The following SGSH variants were observed in gnomAD, a reference collection of about 807,000 sequenced individuals.
SGSH encodes N-sulfoglucosamine sulfohydrolase.
In SGSH, 48 loss-of-function variants were observed where a neutral mutation model predicts 51.0. The observed-to-expected ratio is 0.94, with a 90% CI of 0.75 to 1.20. The LOEUF (loss-of-function observed/expected upper bound fraction) is 1.20, where lower values mean the gene tolerates loss of function less well. SGSH is among the 50% of genes most tolerant of loss of function. The pLI, the probability that SGSH is intolerant of heterozygous loss-of-function variation, is 0.00. For synonymous variants in SGSH, 321 were observed against 313.4 expected (o/e 1.02, Z -0.26); for missense variants, 662 against 717.8 (o/e 0.92, Z 0.89).
chr17:80,209,911 A>G lies in SGSH; in HGVS notation c.*541T>C. 1 of 993,058 alleles carries G rather than the reference A, an allele frequency of 1.0e-6. No individual in the cohort carries two copies. The highest frequency in any genetic ancestry group is 1.2e-6 in the Non-Finnish European group (1 of 834,014). 61.5% of individuals were successfully genotyped at this position (993,058 alleles called of 1,614,324 possible). A position where few individuals can be genotyped will look rare whatever the true frequency, so the allele number is the denominator to read the frequency against. ...AGAAACCTGCCCAAAGGTCGCTCAA[A>G]GGCTTCCTCTAGGCCAGACGCTGGT... On this transcript the variant is annotated 3_prime_UTR_variant, in exon 8 of 8. Coordinates refer to ENST00000326317, the MANE Select transcript of SGSH (RefSeq NM_000199.5).
Position 80,213,562 on chromosome 17 carries a change from G to A in SGSH, c.745+242C>T, listed in dbSNP as rs750154411. On this transcript the variant is annotated intron_variant, in intron 6 of 7. Coordinates refer to ENST00000326317, the MANE Select transcript of SGSH (RefSeq NM_000199.5). This position sits in a 1 kb window ranked among gnomAD's most constrained non-coding sequence, Gnocchi z 4.6. ...GACTGGAAATATCTGAAGTCTTCAC[G>A]CAACCTCTGGGGCACCCGAAGGCCC... The A allele has an allele frequency of 1.0e-5, 6 of 577,894 alleles. No individual in the cohort carries two copies. The highest frequency in any genetic ancestry group is 6.1e-5 in the Admixed American group (2 of 32,850). 35.8% of individuals were successfully genotyped at this position (577,894 alleles called of 1,614,324 possible).
downstream of SGSH, chr17:80,205,795 C>G: frequency 1.2e-6 from 1 of 814,186 alleles, no homozygotes; most frequent in Non-Finnish European, 1.8e-6. Flanking sequence ...AACAGCCCAG[C>G]AGGAGCCCAA....
downstream of SGSH, chr17:80,208,507 G>C (rs1449730700): frequency 1.7e-6 from 1 of 599,394 alleles, no homozygotes; most frequent in Non-Finnish European, 2.8e-6. Flanking sequence ...ACCACGTGCA[G>C]GTCACACACA....
chr17:80,204,076 A>G (rs954542969), downstream of SGSH: 10 of 847,468 alleles, frequency 1.2e-5, no homozygotes, highest in African/African-American at 1.4e-4. Flanking sequence ...AGGCTCTTGC[A>G]CAAGTGCAGA....
chr17:80,216,322 C>T lies in SGSH; in HGVS notation c.249+710G>A, dbSNP rs547212278. Among the ~76,000 whole-genome samples, 370 of 151,334 alleles carry T rather than the reference C, an allele frequency of 2.4e-3. 1 individual carries two copies. The highest frequency in any genetic ancestry group is 3.2e-3 in the Non-Finnish European group (215 of 67,822). ...CCAGCCTGGGTGACAGAGTGAGACT[C>T]CAACTCAAAAAAAAAAAGGACTAGT... On this transcript the variant is annotated intron_variant, in intron 2 of 7. Coordinates refer to ENST00000326317, the MANE Select transcript of SGSH (RefSeq NM_000199.5).
intron 2 of SGSH, 70 bp from the exon 3 acceptor site, chr17:80,215,208 C>T: frequency 1.7e-6 from 2 of 1,164,054 alleles, no homozygotes; most frequent in South Asian, 1.3e-5. Context: ...CCTGTTCTCC[C>T]ACGGCCCTCC....
chr17:80,210,381 C>A lies in SGSH; in HGVS notation c.*71G>T. On this transcript the variant is annotated 3_prime_UTR_variant, in exon 8 of 8. Transcript: ENST00000326317. ...CTGTTGCCACTACTCCCCAGGCTGG[C>A]CGGCCACACGGACACGTGTGGGATG... The A allele has an allele frequency of 6.7e-7, 1 of 1,486,792 alleles. No homozygotes were observed. Among genetic ancestry groups the A allele is most frequent in the East Asian group, 2.4e-5 (1 of 40,820 alleles). The allele number at this position is 1,486,792 out of a possible 1,614,324, so 92.1% of individuals were successfully genotyped here.
chr17:80,203,867 G>A (rs1453131183), downstream of SGSH: 2 of 1,597,198 alleles, frequency 1.3e-6, no homozygotes, highest in Non-Finnish European at 1.7e-6. This position sits in a 1 kb window ranked among gnomAD's most constrained non-coding sequence, Gnocchi z 4.6. Flanking sequence ...TGACTCAGCA[G>A]TGCACCGTGA....
downstream of SGSH, chr17:80,207,207 C>T (rs754846178): frequency 2.4e-5 from 15 of 636,916 alleles, no homozygotes; most frequent in Non-Finnish European, 3.7e-5. Context: ...GCTGACAGGG[C>T]CGTTTCCGCA....
At chr17:80,208,267 C>A (rs957038309), downstream of SGSH, 12 of 1,593,686 alleles carry the variant, frequency 7.5e-6, no homozygotes, top group African/African-American at 1.3e-5. Flanking sequence ...GCGACCTGGA[C>A]GGCCTGCTCA....
chr17:80,210,356 C>T lies in SGSH; in HGVS notation c.*96G>A. 1 of 1,464,960 alleles carries T rather than the reference C, an allele frequency of 6.8e-7. No individual in the cohort carries two copies. Among genetic ancestry groups the T allele is most frequent in the Non-Finnish European group, 9.0e-7 (1 of 1,109,212 alleles). 90.7% of individuals were successfully genotyped at this position (1,464,960 alleles called of 1,614,324 possible). A position where few individuals can be genotyped will look rare whatever the true frequency, so the allele number is the denominator to read the frequency against. Reference sequence around the variant, plus strand: ...TTGGATGGGAGTGTGGACGGAAGGGCTGTTGCCACTACTCCCCAGGCTGGC... The same window carrying T: ...TTGGATGGGAGTGTGGACGGAAGGGTTGTTGCCACTACTCCCCAGGCTGGC... On this transcript the variant is annotated 3_prime_UTR_variant, in exon 8 of 8. Transcript: ENST00000326317.
chr17:80,211,183 A>G, intron 7 of SGSH, 172 bp from the exon 8 acceptor site: 1 of 1,495,646 alleles, frequency 6.7e-7, no homozygotes, highest in Non-Finnish European at 8.9e-7. Flanking sequence ...TCTGGGCCTC[A>G]GTGCCTTGAA....
At position 80,212,134 on chromosome 17, in the gene SGSH, C is replaced by T. The variant is rs1189287474; in HGVS notation, c.886G>A (p.Val296Met). The part of the protein sequence containing the change: ...YWPGTAEPLL[V>M]SSPEHPKRWG... Reference sequence around the variant, plus strand: ...CGTTTTGGGTGCTCCGGGGATGACACCAGTAAGGGTTCAGCAGTGCCCGGC... The same window carrying T: ...CGTTTTGGGTGCTCCGGGGATGACATCAGTAAGGGTTCAGCAGTGCCCGGC... Residue 296 changes from valine (V) to methionine (M), a missense_variant, in exon 7 of 8, where the codon GTG (valine) becomes ATG (methionine). Transcript: ENST00000326317. The surrounding 1 kb of genome is among the most constrained non-coding windows in gnomAD (Gnocchi z 5.9). 6.2e-7 allele frequency: 1 copy of T among 1,613,596 alleles called. No homozygotes were observed. Among genetic ancestry groups the T allele is most frequent in the East Asian group, 2.2e-5 (1 of 44,878 alleles).
intron 2 of SGSH, among the ~76,000 whole-genome samples, chr17:80,215,467 G>A (rs1177705007): frequency 6.6e-6 from 1 of 152,256 alleles, no homozygotes; most frequent in East Asian, 1.9e-4. Flanking sequence ...AAAAGACAGG[G>A]TCAGGCCTTG....
Position 80,210,622 on chromosome 17 carries a change from C to G in SGSH, c.1339G>C (p.Glu447Gln). Residue 447 changes from glutamate to glutamine, a missense_variant, in exon 8 of 8, where the codon GAG becomes CAG. Transcript: ENST00000326317. ...ELYDRSRDPH[E>Q]TQNLATDPRF... Reference sequence around the variant, plus strand: ...GGGTCGGTGGCCAGGTTCTGGGTCTCGTGGGGGTCCCGGCTCCGGTCGTAG... The same window carrying G: ...GGGTCGGTGGCCAGGTTCTGGGTCTGGTGGGGGTCCCGGCTCCGGTCGTAG... 6.2e-7 allele frequency: 1 copy of G among 1,613,702 alleles called. No individual in the cohort carries two copies. Among genetic ancestry groups the G allele is most frequent in the Non-Finnish European group, 8.5e-7 (1 of 1,179,974 alleles).
rs2041924510 is a variant in SGSH at position 80,217,167 on chromosome 17, G to A, written c.114C>T (p.Gly38=). Residue 38 remains glycine, a synonymous_variant, in exon 2 of 8, where the codon GGC becomes GGT. Transcript: ENST00000326317. ...LLADDGGFES[G]AYNNSAIATP... ...TGGCGATGGCGCTGTTGTTGTACGCGCCACTCTCAAAGCCTCCGTCATCCG... is the reference window on the plus strand; with the variant it reads ...TGGCGATGGCGCTGTTGTTGTACGCACCACTCTCAAAGCCTCCGTCATCCG... The A allele has an allele frequency of 2.5e-6, 4 of 1,601,352 alleles. No individual in the cohort carries two copies. The highest frequency in any genetic ancestry group is 2.2e-5 in the South Asian group (2 of 89,360).
At position 80,213,690 on chromosome 17, in the gene SGSH, G is replaced by A. The variant is rs1335468431; in HGVS notation, c.745+114C>T. Reference sequence around the variant, plus strand: ...TGGGCTCTGCCAGCTGCAGCACAGGGCCTGCCACACTGGGACCCTCACCCA... The same window carrying A: ...TGGGCTCTGCCAGCTGCAGCACAGGACCTGCCACACTGGGACCCTCACCCA... On this transcript the variant is annotated intron_variant, in intron 6 of 7. Transcript: ENST00000326317. The surrounding 1 kb of genome is among the most constrained non-coding windows in gnomAD (Gnocchi z 4.6). 3.2e-6 allele frequency: 3 copies of A among 942,132 alleles called. No homozygotes were observed. The highest frequency in any genetic ancestry group is 4.9e-6 in the Non-Finnish European group (3 of 610,552). The allele number at this position is 942,132 out of a possible 1,614,324, so 58.4% of individuals were successfully genotyped here. A position where few individuals can be genotyped will look rare whatever the true frequency, so the allele number is the denominator to read the frequency against.
In SGSH at chr17:80,210,779, C is replaced by T; in HGVS notation, c.1182G>A (p.Met394Ile). The change falls in exon 8 of 8, where the codon ATG becomes ATA. Residue 394 changes from methionine to isoleucine, a missense_variant. Transcript: ENST00000326317. ...FRLVHNLNFK[M>I]PFPIDQDFYV... is the part of the protein sequence containing the mutation. Reference sequence around the variant, plus strand: ...AGAAGTCCTGGTCGATGGGAAAGGGCATCTTGAAGTTGAGGTTGTGCACGA... The same window carrying T: ...AGAAGTCCTGGTCGATGGGAAAGGGTATCTTGAAGTTGAGGTTGTGCACGA... The T allele has an allele frequency of 6.2e-7, 1 of 1,614,028 alleles. No homozygotes were observed. The highest frequency in any genetic ancestry group is 8.5e-7 in the Non-Finnish European group (1 of 1,180,032).
downstream of SGSH, chr17:80,204,625 AG>A (rs1439284118): frequency 6.0e-6 from 2 of 332,120 alleles, no homozygotes; most frequent in African/African-American, 2.2e-5. Context: ...ACTCTGTCTC[AG>A]GAAAAAAAAA....
Sources: allele counts gnomAD v4.1 joint callset (sites outside exome capture counted in the v4.1 genomes callset), GRCh38; gene constraint gnomAD v4.1.1; non-coding constraint Gnocchi (gnomAD v3.1); transcripts MANE v1.5; gene names NCBI Gene and HGNC (gene_info 2026-07-23, HGNC 2026-07-21).